Variants in KAZN observed in about 807,000 individuals in gnomAD.
The protein encoded by KAZN is kazrin, periplakin interacting protein.
In KAZN, 40 loss-of-function variants were observed where a neutral mutation model predicts 87.4. That is an observed-to-expected ratio of 0.46 (90% CI 0.36 to 0.60). The LOEUF (loss-of-function observed/expected upper bound fraction) is 0.60. Ranked by LOEUF, KAZN falls within the 20% of genes least tolerant of loss-of-function variation. The pLI is 0.00. For synonymous variants in KAZN, 466 were observed against 458.3 expected, an observed-to-expected ratio of 1.02 and a Z score of -0.22; for missense variants, 898 against 1,073.9, an observed-to-expected ratio of 0.84 and a Z score of 2.29.
intron 1 of KAZN, among the ~76,000 whole-genome samples, chr1:14,672,096 A>G (rs1639953356): frequency 6.6e-6 from 1 of 151,910 alleles, no homozygotes; most frequent in African/African-American, 2.4e-5. Flanking sequence ...GAGATGTGTC[A>G]TCCCTACAGG....
intron 2 of KAZN, among the ~76,000 whole-genome samples, chr1:14,264,369 A>G (rs760050112): frequency 9.3e-4 from 141 of 152,212 alleles, no homozygotes; most frequent in Admixed American, 2.5e-3. Flanking sequence ...ATCAGCTGCT[A>G]TGATTTTAAT....
At chr1:14,099,709 A>ACACC (rs1306317250) in intron 1 of KAZN, among the ~76,000 whole-genome samples, 1 of 152,188 alleles carries the variant, frequency 6.6e-6, no homozygotes, top group Non-Finnish European at 1.5e-5. Context: ...TAAAATGCAG[A>ACACC]CACCCCACCC....
chr1:14,489,736 AAAT>A (rs57610968), intron 2 of KAZN, among the ~76,000 whole-genome samples: 31,082 of 144,328 alleles, frequency 0.22, 3,685 homozygotes, highest in Non-Finnish European at 0.26. Flanking sequence ...TCTGTCTTAA[AAAT>A]AATAATAATA....
intron 1 of KAZN, among the ~76,000 whole-genome samples, chr1:14,791,046 C>T (rs1252693633): frequency 6.6e-6 from 1 of 152,162 alleles, no homozygotes; most frequent in Non-Finnish European, 1.5e-5. Flanking sequence ...ATCTCTCTGC[C>T]TCCAAGTCTC....
At chr1:14,078,475 T>C (rs1227391322) in intron 1 of KAZN, among the ~76,000 whole-genome samples, 1 of 152,226 alleles carries the variant, frequency 6.6e-6, no homozygotes, top group African/African-American at 2.4e-5. Context: ...TCTGTCTTAG[T>C]CCATTTGGGC....
intron 1 of KAZN, among the ~76,000 whole-genome samples, chr1:14,867,939 C>T (rs1031248545): frequency 1.5e-5 from 1 of 65,710 alleles, no homozygotes; most frequent in East Asian, 4.6e-4. Flanking sequence ...GCAGGCACAG[C>T]CTCACATAAG....
intron 1 of KAZN, among the ~76,000 whole-genome samples, chr1:14,077,724 A>G (rs189757630): frequency 2.4e-4 from 37 of 152,362 alleles, no homozygotes; most frequent in Non-Finnish European, 4.3e-4. Context: ...GATCTTATTT[A>G]GGAACATAAT....
intron 1 of KAZN, among the ~76,000 whole-genome samples, chr1:14,120,037 A>G (rs1326714454): frequency 2.6e-5 from 4 of 152,212 alleles, no homozygotes; most frequent in Non-Finnish European, 2.9e-5. Flanking sequence ...GAGACAGATC[A>G]TAAGGACGTG....
chr1:14,732,707 A>G (rs1464025527), intron 1 of KAZN, among the ~76,000 whole-genome samples: 2 of 152,168 alleles, frequency 1.3e-5, no homozygotes, highest in South Asian at 4.1e-4. Context: ...TATTTTTTCA[A>G]CTGGCTATTA....
At chr1:14,768,679 C>A (rs1572433063) in intron 1 of KAZN, among the ~76,000 whole-genome samples, 1 of 152,312 alleles carries the variant, frequency 6.6e-6, no homozygotes, top group East Asian at 1.9e-4. Flanking sequence ...ACTGAACTGT[C>A]AATAATCCTA....
At chr1:13,972,641 G>A (rs867471047) in intron 1 of KAZN, among the ~76,000 whole-genome samples, 2 of 152,174 alleles carry the variant, frequency 1.3e-5, no homozygotes, top group Non-Finnish European at 2.9e-5. Context: ...GATAGGCGAG[G>A]ACCAACCCAT....
chr1:14,811,430 T>C (rs960344755), intron 1 of KAZN, among the ~76,000 whole-genome samples: 6 of 152,260 alleles, frequency 3.9e-5, no homozygotes, highest in Non-Finnish European at 8.8e-5. Flanking sequence ...ATACAGCTCT[T>C]GGAACTACTT....
At chr1:14,898,989 C>T (rs1307445401) in intron 1 of KAZN, among the ~76,000 whole-genome samples, 1 of 152,196 alleles carries the variant, frequency 6.6e-6, no homozygotes, top group Non-Finnish European at 1.5e-5. Context: ...ATTTGGGACT[C>T]AGCTCTGCTG....
chr1:14,108,113 G>A (rs1262319607), intron 1 of KAZN, among the ~76,000 whole-genome samples: 3 of 152,020 alleles, frequency 2.0e-5, no homozygotes, highest in Non-Finnish European at 2.9e-5. Flanking sequence ...GAAGCTTGCC[G>A]TGGCCTCCAG....
intron 2 of KAZN, among the ~76,000 whole-genome samples, chr1:14,402,974 A>G (rs1411499969): frequency 6.6e-6 from 1 of 152,072 alleles, no homozygotes; most frequent in Non-Finnish European, 1.5e-5. Context: ...ATTACAGTGC[A>G]TGCCACCACA....
chr1:14,753,050 A>G (rs1444063169), intron 1 of KAZN, among the ~76,000 whole-genome samples: 2 of 152,112 alleles, frequency 1.3e-5, no homozygotes, highest in Non-Finnish European at 2.9e-5. Context: ...AGTGCTTTTA[A>G]TTTATACAGT....
intron 1 of KAZN, among the ~76,000 whole-genome samples, chr1:14,794,672 A>G (rs543594494): frequency 6.6e-6 from 1 of 152,338 alleles, no homozygotes; most frequent in Admixed American, 6.5e-5. Flanking sequence ...CATGCACACC[A>G]CTGGGTATCA....
chr1:14,760,342 C>T (rs770649251), intron 1 of KAZN, among the ~76,000 whole-genome samples: 2 of 152,196 alleles, frequency 1.3e-5, no homozygotes, highest in Non-Finnish European at 2.9e-5. Context: ...TTATTCAGCA[C>T]TTCAATGTGC....
intron 2 of KAZN, among the ~76,000 whole-genome samples, chr1:14,979,481 A>T (rs1666018122): frequency 6.6e-6 from 1 of 152,090 alleles, no homozygotes; most frequent in Non-Finnish European, 1.5e-5. Flanking sequence ...ATTGATCGTG[A>T]GGTATTCCTG....
Sources: gnomAD v4.1 joint callset for allele counts (sites outside exome capture counted in the v4.1 genomes callset) on GRCh38, gnomAD v4.1.1 for gene constraint, MANE v1.5 for transcripts, NCBI Gene and HGNC (gene_info 2026-07-23, HGNC 2026-07-21) for gene names.